BUB3: variants seen among roughly 807,000 people sequenced by gnomAD.
The protein encoded by BUB3 is BUB3 mitotic checkpoint protein.
Under a neutral mutation model 39.9 loss-of-function variants are expected in BUB3, and 22 were observed. The observed-to-expected ratio is 0.55, with a 90% CI of 0.39 to 0.79. BUB3 has a LOEUF of 0.79. Ranked by LOEUF, BUB3 falls within the 30% of genes least tolerant of loss-of-function variation. BUB3 has a pLI of 0.00. For missense variants in BUB3, 303 were observed against 415.4 expected, an observed-to-expected ratio of 0.73 and a Z score of 2.35; for synonymous variants, 168 against 155.1, an observed-to-expected ratio of 1.08 and a Z score of -0.62.
Position 123,164,283 on chromosome 10 carries a change from G to C in BUB3, c.*448G>C, listed in dbSNP as rs1844460031. 2.0e-6 allele frequency: 2 copies of C among 986,426 alleles called. No individual in the cohort carries two copies. The highest frequency in any genetic ancestry group is 3.5e-5 in the African/African-American group (2 of 57,228). 61.1% of individuals were successfully genotyped at this position (986,426 alleles called of 1,614,324 possible). On this transcript the variant is annotated 3_prime_UTR_variant, in exon 8 of 8. Coordinates refer to ENST00000368865, the MANE Select transcript of BUB3 (RefSeq NM_004725.4). Reference sequence around the variant, plus strand: ...GCTGCTTCAGACTGCTTCATGAGGAGGTTAATCTACAATTAAACAATATTT... The same window carrying C: ...GCTGCTTCAGACTGCTTCATGAGGACGTTAATCTACAATTAAACAATATTT...
Position 123,162,731 on chromosome 10 carries a change from G to C in BUB3, c.874G>C (p.Ala292Pro). 1 of 1,613,902 alleles carries C rather than the reference G, an allele frequency of 6.2e-7. No homozygotes were observed. Among genetic ancestry groups the C allele is most frequent in the Non-Finnish European group, 8.5e-7 (1 of 1,179,882 alleles). The change falls in exon 7 of 8, where the codon GCA becomes CCA. Residue 292 changes from alanine to proline, a missense_variant. This residue lies in a region of BUB3 where 182 missense variants were observed against 293.1 expected (regional missense o/e 0.62). Coordinates refer to ENST00000368865, the MANE Select transcript of BUB3 (RefSeq NM_004725.4). ...CTTCAGTAATGATGGGACTACGCTT[G>C]CAATAGCGTCATCATATATGTATGA... ...LAFSNDGTTL[A>P]IASSYMYEMD... is the part of the protein sequence containing the mutation.
Position 123,155,733 on chromosome 10 carries a change from G to A in BUB3, c.265+6G>A. On this transcript the variant is annotated splice_donor_region_variant and intron_variant, in intron 3 of 7. Coordinates refer to ENST00000368865, the MANE Select transcript of BUB3 (RefSeq NM_004725.4). ...TGATTTGAACACTGATCAAGGTAAT[G>A]TGACCATATCTTTACCAGTTTGTTT... 1 of 1,613,162 alleles carries A rather than the reference G, an allele frequency of 6.2e-7. No homozygotes were observed.
At position 123,167,475 on chromosome 10, in the gene BUB3, C is replaced by T. The variant is rs1318370160; in HGVS notation, c.*3640C>T. 2 of 152,116 alleles carry T rather than the reference C, an allele frequency of 1.3e-5. No individual in the cohort carries two copies. Among genetic ancestry groups the T allele is most frequent in the Non-Finnish European group, 2.9e-5 (2 of 68,034 alleles). 9.4% of individuals were successfully genotyped at this position (152,116 alleles called of 1,614,324 possible). On this transcript the variant is annotated 3_prime_UTR_variant, in exon 8 of 8. Coordinates refer to ENST00000368865, the MANE Select transcript of BUB3 (RefSeq NM_004725.4). ...CCTGGCATTTAAACATTTTTGTATG[C>T]GTACATCTTGCTTTCCTACTTAAAG...
chr10:123,162,169 G>T, intron 5 of BUB3, 67 bp from the exon 6 acceptor site: 1 of 1,400,584 alleles, frequency 7.1e-7, no homozygotes. Flanking sequence ...GGTTGAATTT[G>T]GGAATTAGCA....
rs10510123 is a variant in BUB3 at position 123,157,468 on chromosome 10, A to G, written c.266-261A>G. Among the ~76,000 whole-genome samples, 1,396 of 152,340 alleles carry G rather than the reference A, an allele frequency of 9.2e-3. 77 individuals carry two copies. In the East Asian group the frequency reaches 0.17, roughly 18 times the overall value. ...ACAGACATGCCACTATGTTAATGTA[A>G]TCTGAAATTCAAGACAGCCTTTGGT... On this transcript the variant is annotated intron_variant, in intron 3 of 7. Transcript: ENST00000368865.
intron 5 of BUB3, among the ~76,000 whole-genome samples, chr10:123,161,382 G>T (rs979453012): frequency 4.6e-5 from 7 of 151,912 alleles, no homozygotes; most frequent in African/African-American, 1.7e-4. Context: ...TTTTTTTTTA[G>T]GAAATTGTAA....
rs986316429 is a variant in BUB3, at chr10:123,158,461, G to A, written c.417+581G>A. ...GTGTATTATTCTAACCTTTTGATCT[G>A]TATGATAAAAGTGTAATTGAGCTTT... On this transcript the variant is annotated intron_variant, in intron 4 of 7. Transcript: ENST00000368865. Among the ~76,000 whole-genome samples, 5 of 152,172 alleles carry A rather than the reference G, an allele frequency of 3.3e-5. No individual in the cohort carries two copies. The East Asian group carries it at 5.8e-4, about 18-fold the overall frequency.
intron 4 of BUB3, among the ~76,000 whole-genome samples, chr10:123,158,797 A>G (rs1844383310): frequency 1.3e-5 from 2 of 152,230 alleles, no homozygotes; most frequent in South Asian, 4.1e-4. Context: ...CATATAATGG[A>G]CAGCCACACT....
intron 3 of BUB3, among the ~76,000 whole-genome samples, 195 bp from the exon 4 acceptor site, chr10:123,157,534 G>A (rs1218977804): frequency 7.9e-5 from 12 of 152,214 alleles, no homozygotes; most frequent in African/African-American, 2.9e-4. Context: ...TGCACTGTAA[G>A]GTGAACAGAG....
rs1417042866 is a variant in BUB3 at position 123,167,916 on chromosome 10, A to T, written c.*4081A>T. 1 of 152,236 alleles carries T rather than the reference A, an allele frequency of 6.6e-6. No individual in the cohort carries two copies. The highest frequency in any genetic ancestry group is 1.5e-5 in the Non-Finnish European group (1 of 68,040). 9.4% of individuals were successfully genotyped at this position (152,236 alleles called of 1,614,324 possible). A position where few individuals can be genotyped will look rare whatever the true frequency, so the allele number is the denominator to read the frequency against. On this transcript the variant is annotated 3_prime_UTR_variant, in exon 8 of 8. Transcript: ENST00000368865. ...TTGTTAAATTGAGTTAAACAAATTT[A>T]CAAGTTGACAAATTACATTTACAAA...
In BUB3 at chr10:123,162,659, C is replaced by T. The variant is rs866193666; in HGVS notation, c.802C>T (p.Arg268Ter). The T allele has an allele frequency of 6.3e-7, 1 of 1,598,936 alleles. No individual in the cohort carries two copies. Among genetic ancestry groups the T allele is most frequent in the Non-Finnish European group, 8.5e-7 (1 of 1,176,578 alleles). Residue 268 changes from arginine to a stop codon, truncating the protein, a stop_gained, in exon 7 of 8, where the codon CGA becomes TGA. Transcript: ENST00000368865. LOFTEE classifies it high-confidence loss of function. ...VNIWDPFNKK[R>*]LCQFHRYPTS... is the part of the protein sequence containing the mutation. ...TATTTGGGATCCATTTAACAAAAAG[C>T]GACTGTGCCAATTCCATCGGTACCC...
At position 123,168,617 on chromosome 10, in the gene BUB3, T is replaced by G. The variant is rs1408757865; in HGVS notation, c.*4782T>G. ...AGGCTGGAGTGCAAGTGGCGCGATCTCCGCTCATTGCAAGCTCCGCCTCTC... is the reference window on the plus strand; with the variant it reads ...AGGCTGGAGTGCAAGTGGCGCGATCGCCGCTCATTGCAAGCTCCGCCTCTC... On this transcript the variant is annotated 3_prime_UTR_variant, in exon 8 of 8. Transcript: ENST00000368865. 4 of 152,190 alleles carry G rather than the reference T, an allele frequency of 2.6e-5. No individual in the cohort carries two copies. Among genetic ancestry groups the G allele is most frequent in the Non-Finnish European group, 4.4e-5 (3 of 68,024 alleles). 9.4% of individuals were successfully genotyped at this position (152,190 alleles called of 1,614,324 possible). A position where few individuals can be genotyped will look rare whatever the true frequency, so the allele number is the denominator to read the frequency against.
intron 1 of BUB3, 123 bp from the exon 2 acceptor site, chr10:123,154,795 G>A: frequency 9.3e-7 from 1 of 1,074,126 alleles, no homozygotes; most frequent in Non-Finnish European, 1.3e-6. Context: ...GCAGGCGCAA[G>A]CGCAGAGTCT....
Position 123,154,995 on chromosome 10 carries a change from C to G in BUB3, c.78C>G (p.Thr26=). ...GISSVKFSPN[T]SQFLLVSSWD... ...CCTCCGTGAAGTTCAGCCCCAACAC[C>G]TCCCAGTTCCTGCTTGTCTCCTCCT... is the stretch of plus-strand genomic sequence containing the variant. Residue 26 remains threonine, a synonymous_variant, in exon 2 of 8, where the codon ACC becomes ACG. Transcript: ENST00000368865. 1.2e-6 allele frequency: 2 copies of G among 1,614,216 alleles called. No individual in the cohort carries two copies. The highest frequency in any genetic ancestry group is 2.2e-5 in the South Asian group (2 of 91,086).
At chr10:123,162,910 T>C (rs1397855373) in intron 7 of BUB3, 82 bp downstream of exon 7, 1 of 1,302,286 alleles carries the variant, frequency 7.7e-7, no homozygotes, top group African/African-American at 1.5e-5. Context: ...ATGAATAGCA[T>C]TGTTGATGCC....
chr10:123,163,926 G>A lies in BUB3; in HGVS notation c.*91G>A. The A allele has an allele frequency of 7.3e-7, 1 of 1,377,442 alleles. No individual in the cohort carries two copies. Among genetic ancestry groups the A allele is most frequent in the Non-Finnish European group, 9.6e-7 (1 of 1,044,302 alleles). The allele number at this position is 1,377,442 out of a possible 1,614,324, so 85.3% of individuals were successfully genotyped here. ...ATTTATTACTATTAAAGAAACCAGG[G>A]AAAATATTAATTTTAATATTATAAC... is the stretch of plus-strand genomic sequence containing the variant. On this transcript the variant is annotated 3_prime_UTR_variant, in exon 8 of 8. Coordinates refer to ENST00000368865, the MANE Select transcript of BUB3 (RefSeq NM_004725.4).
At chr10:123,155,566 C>T (rs1844339007) in intron 2 of BUB3, 92 bp from the exon 3 acceptor site, 1 of 1,240,872 alleles carries the variant, frequency 8.1e-7, no homozygotes, top group Non-Finnish European at 1.2e-6. Context: ...GTGCATATCC[C>T]GAGCATAAAC....
Position 123,164,750 on chromosome 10 carries a change from T to C in BUB3, c.*915T>C. On this transcript the variant is annotated 3_prime_UTR_variant, in exon 8 of 8. Coordinates refer to ENST00000368865, the MANE Select transcript of BUB3 (RefSeq NM_004725.4). ...GTGATTAAAGTTAAAAAGAAAAAAA[T>C]TATAGTGAGAATGAGATTCATTTCA... 1.8e-6 allele frequency: 2 copies of C among 1,122,412 alleles called. No homozygotes were observed. Among genetic ancestry groups the C allele is most frequent in the Non-Finnish European group, 2.2e-6 (2 of 918,560 alleles). The allele number at this position is 1,122,412 out of a possible 1,614,324, so 69.5% of individuals were successfully genotyped here. A position where few individuals can be genotyped will look rare whatever the true frequency, so the allele number is the denominator to read the frequency against.
chr10:123,164,591 T>G lies in BUB3; in HGVS notation c.*756T>G, dbSNP rs1278735681. ...TTTGGAAAAATAATTGTAACGTAAT[T>G]GCAGTGCATTTAGACAGGCATCTAT... On this transcript the variant is annotated 3_prime_UTR_variant, in exon 8 of 8. Coordinates refer to ENST00000368865, the MANE Select transcript of BUB3 (RefSeq NM_004725.4). The G allele has an allele frequency of 3.0e-6, 3 of 988,064 alleles. No homozygotes were observed. The African/African-American group carries it at 5.2e-5, about 17-fold the overall frequency. The allele number at this position is 988,064 out of a possible 1,614,324, so 61.2% of individuals were successfully genotyped here.
Sources: allele counts gnomAD v4.1 joint callset (sites outside exome capture counted in the v4.1 genomes callset), GRCh38; gene constraint gnomAD v4.1.1; regional missense constraint gnomAD v4.1.1; transcripts MANE v1.5; gene names NCBI Gene and HGNC (gene_info 2026-07-23, HGNC 2026-07-21).